The following KLHL1 variants were observed in gnomAD, a reference collection of about 807,000 sequenced individuals.
KLHL1 encodes the protein kelch like family member 1, also known as kelch-like protein 1.
A neutral mutation model predicts 77.7 loss-of-function variants in KLHL1; 47 were observed. The ratio of observed to expected loss-of-function variants is 0.60; its 90% confidence interval spans 0.48 to 0.77. The LOEUF is 0.77. Among genes scored for constraint, KLHL1 ranks in the 30% least tolerant of loss-of-function variants. KLHL1 has a pLI of 0.00. For missense variants in KLHL1, 925 were observed against 910.8 expected (o/e 1.02, Z -0.20); for synonymous variants, 360 against 325.2 (o/e 1.11, Z -1.15).
chr13:69,771,932 C>T (rs1172990964), intron 7 of KLHL1, among the ~76,000 whole-genome samples: 6 of 151,988 alleles, frequency 3.9e-5, no homozygotes, highest in African/African-American at 1.2e-4. Context: ...CAAGACTTAT[C>T]AATAAATAGT....
intron 4 of KLHL1, among the ~76,000 whole-genome samples, chr13:69,893,571 A>G (rs1593924515): frequency 6.6e-6 from 1 of 152,352 alleles, no homozygotes; most frequent in Admixed American, 6.5e-5. Context: ...ATAATTTAGT[A>G]CCTGCCATTA....
At chr13:69,757,660 A>G (rs1874812170) in intron 7 of KLHL1, among the ~76,000 whole-genome samples, 2 of 152,108 alleles carry the variant, frequency 1.3e-5, no homozygotes, top group Admixed American at 1.3e-4. Context: ...TAATCAAATA[A>G]GATCACATGT....
intron 1 of KLHL1, among the ~76,000 whole-genome samples, chr13:70,061,764 T>C (rs142269123): frequency 4.5e-3 from 684 of 152,310 alleles, no homozygotes; most frequent in Admixed American, 0.012. Flanking sequence ...TTTCTCTTTT[T>C]TTGTGTGTTT....
chr13:69,789,889 G>T (rs749852507), intron 7 of KLHL1, among the ~76,000 whole-genome samples: 6 of 152,050 alleles, frequency 3.9e-5, no homozygotes, highest in South Asian at 2.1e-4. Context: ...AAGTAAGTTT[G>T]GAGGAGAATG....
Position 69,739,481 on chromosome 13 carries a change from T to C in KLHL1, c.1802+913A>G, listed in dbSNP as rs183672747. On this transcript the variant is annotated intron_variant, in intron 8 of 10. Transcript: ENST00000377844. ...GCAAGCTGGATAGAGTCAAGATTCATTGGTGTGCTGTATTCAACAGACCTA... is the reference window on the plus strand; with the variant it reads ...GCAAGCTGGATAGAGTCAAGATTCACTGGTGTGCTGTATTCAACAGACCTA... 1.3e-3 allele frequency among the ~76,000 whole-genome samples: 203 copies of C among 152,324 alleles called. 1 individual carries two copies. Among genetic ancestry groups the C allele is most frequent in the Admixed American group, 3.1e-3 (47 of 15,304 alleles).
At chr13:69,916,708 T>G (rs1882454974) in intron 4 of KLHL1, among the ~76,000 whole-genome samples, 2 of 151,902 alleles carry the variant, frequency 1.3e-5, no homozygotes, top group South Asian at 4.2e-4. Flanking sequence ...ACCTGCACAT[T>G]GTGCACATGT....
At position 69,908,382 on chromosome 13, in the gene KLHL1, C is replaced by T. The variant is rs78877773; in HGVS notation, c.1015-25887G>A. Among the ~76,000 whole-genome samples the T allele has an allele frequency of 7.2e-3, 1,084 of 151,516 alleles. 8 individuals are homozygous for T. The highest frequency in any genetic ancestry group is 0.024 in the African/African-American group (986 of 41,306). On this transcript the variant is annotated intron_variant, in intron 4 of 10. Transcript: ENST00000377844. ...TTTATGTTTGAATACAATAAAGAAA[C>T]GGTGTGAGAGAAGATTTGACAAAAA...
At chr13:70,065,733 T>C (rs1192368622) in intron 1 of KLHL1, among the ~76,000 whole-genome samples, 1 of 152,100 alleles carries the variant, frequency 6.6e-6, no homozygotes, top group Non-Finnish European at 1.5e-5. Context: ...AACCAGAACA[T>C]TTGCAGTTTT....
At chr13:69,887,107 G>T (rs138222707) in intron 4 of KLHL1, among the ~76,000 whole-genome samples, 1 of 152,092 alleles carries the variant, frequency 6.6e-6, no homozygotes, top group African/African-American at 2.4e-5. Flanking sequence ...AATGTTTTGG[G>T]TCTAAGATTT....
At chr13:70,058,909 T>A (rs550147982) in intron 1 of KLHL1, among the ~76,000 whole-genome samples, 1 of 152,248 alleles carries the variant, frequency 6.6e-6, no homozygotes, top group South Asian at 2.1e-4. Context: ...CAAATCCATA[T>A]GTCTACAGTG....
chr13:70,023,880 T>A (rs1026826154), intron 1 of KLHL1, among the ~76,000 whole-genome samples: 1 of 151,908 alleles, frequency 6.6e-6, no homozygotes, highest in African/African-American at 2.4e-5. Flanking sequence ...ACATGTTGGG[T>A]TGTCCCCTCT....
At chr13:70,032,034 A>G (rs1230388218) in intron 1 of KLHL1, among the ~76,000 whole-genome samples, 1 of 152,180 alleles carries the variant, frequency 6.6e-6, no homozygotes, top group Non-Finnish European at 1.5e-5. Context: ...TTACAAAGGC[A>G]TGGGCAAGTC....
At chr13:69,728,835 T>C (rs1873416114) in intron 8 of KLHL1, among the ~76,000 whole-genome samples, 1 of 151,598 alleles carries the variant, frequency 6.6e-6, no homozygotes. Flanking sequence ...CATGAAGATT[T>C]GAATGAATGA....
At chr13:69,921,943 T>A (rs1882654416) in intron 4 of KLHL1, among the ~76,000 whole-genome samples, 1 of 146,254 alleles carries the variant, frequency 6.8e-6, no homozygotes, top group East Asian at 2.0e-4. Context: ...TTTTTTTTTT[T>A]AAAGAGAGAT....
chr13:69,781,427 A>C (rs1407303805), intron 7 of KLHL1, among the ~76,000 whole-genome samples: 1 of 151,694 alleles, frequency 6.6e-6, no homozygotes, highest in African/African-American at 2.4e-5. Flanking sequence ...CTTGACTAGG[A>C]AGTAAGTAAG....
At chr13:69,991,020 A>G (rs923517510) in intron 1 of KLHL1, among the ~76,000 whole-genome samples, 10 of 152,036 alleles carry the variant, frequency 6.6e-5, no homozygotes, top group East Asian at 1.9e-4. Flanking sequence ...CCATACAATT[A>G]CATGGGTATT....
At chr13:69,972,356 CAA>C (rs1884407740) in intron 2 of KLHL1, among the ~76,000 whole-genome samples, 1 of 151,826 alleles carries the variant, frequency 6.6e-6, no homozygotes, top group Non-Finnish European at 1.5e-5. Flanking sequence ...CAAATATGTA[CAA>C]ACAGTGAAAA....
Position 69,780,723 on chromosome 13 carries a change from TATATATATACATATATATATAC to T in KLHL1, c.1639+15993_1639+16014del, listed in dbSNP as rs1566243921. ...ATATGTATATATATATATGTATATA[TATATATATACATATATATATAC>T]ATATATATATATACACACACATTTA... On this transcript the variant is annotated intron_variant, in intron 7 of 10. Transcript: ENST00000377844. Among the ~76,000 whole-genome samples, 169 of 61,530 alleles carry T rather than the reference TATATATATACATATATATATAC, an allele frequency of 2.7e-3. 4 individuals are homozygous for T. The highest frequency in any genetic ancestry group is 4.4e-3 in the Non-Finnish European group (128 of 28,854). 40.4% of individuals were successfully genotyped at this position (61,530 alleles called of 152,430 possible). A position where few individuals can be genotyped will look rare whatever the true frequency, so the allele number is the denominator to read the frequency against.
At position 69,998,189 on chromosome 13, in the gene KLHL1, A is replaced by C. The variant is rs2501233; in HGVS notation, c.498-22387T>G. On this transcript the variant is annotated intron_variant, in intron 1 of 10. Coordinates refer to ENST00000377844, the MANE Select transcript of KLHL1 (RefSeq NM_020866.3). ...CCACTTTTGCCTCAGTTCCAAAGCA[A>C]GAGAAGCCTCTGCTTTAGGTCTGAG... is the stretch of plus-strand genomic sequence containing the variant. 9.9e-3 allele frequency among the ~76,000 whole-genome samples: 1,507 copies of C among 152,212 alleles called. 25 individuals carry two copies. The highest frequency in any genetic ancestry group is 0.034 in the African/African-American group (1,420 of 41,558).
Sources: allele counts gnomAD v4.1 joint callset (sites outside exome capture counted in the v4.1 genomes callset), GRCh38; gene constraint gnomAD v4.1.1; transcripts MANE v1.5; gene names NCBI Gene and HGNC (gene_info 2026-07-23, HGNC 2026-07-21).